SAXO2: variants seen among roughly 807,000 people sequenced by gnomAD.
SAXO2 encodes the protein stabilizer of axonemal microtubules 2.
A neutral mutation model predicts 18.7 loss-of-function variants in SAXO2; 17 were observed. The observed-to-expected ratio is 0.91, with a 90% CI of 0.62 to 1.36. SAXO2 has a LOEUF of 1.36. Among genes scored for constraint, SAXO2 ranks in the 40% most tolerant of loss-of-function variants. The pLI is 0.00. For missense variants in SAXO2, 486 were observed against 562.6 expected, an observed-to-expected ratio of 0.86 and a Z score of 1.38; for synonymous variants, 163 against 181.2, an observed-to-expected ratio of 0.90 and a Z score of 0.81.
In SAXO2 at chr15:82,283,019, A is replaced by G; in HGVS notation, c.1334A>G (p.His445Arg). The G allele has an allele frequency of 6.2e-7, 1 of 1,613,642 alleles. No individual in the cohort carries two copies. The highest frequency in any genetic ancestry group is 1.1e-5 in the South Asian group (1 of 90,934). Residue 445 changes from histidine (H) to arginine (R), a missense_variant, in exon 4 of 4, where the codon CAT becomes CGT. By Grantham distance (29) the His-to-Arg change is conservative. Coordinates refer to ENST00000682753, the MANE Select transcript of SAXO2 (RefSeq NM_001348699.2). ...YIFDNTNSQG[H>R]KFFRKIIPAV... ...TTCGACAATACAAATTCCCAAGGTCATAAATTCTTCCGCAAGATTATTCCT... is the reference window on the plus strand; with the variant it reads ...TTCGACAATACAAATTCCCAAGGTCGTAAATTCTTCCGCAAGATTATTCCT...
chr15:82,268,467 TAGTA>T (rs1192560426), intron 2 of SAXO2, among the ~76,000 whole-genome samples: 3 of 152,390 alleles, frequency 2.0e-5, no homozygotes, highest in Admixed American at 1.3e-4. Context: ...TCTCTTCACT[TAGTA>T]AGACATCGGA....
chr15:82,265,499 T>G, intron 1 of SAXO2, 70 bp from the exon 2 acceptor site: 1 of 1,127,148 alleles, frequency 8.9e-7, no homozygotes, highest in South Asian at 2.7e-5. Context: ...TTATTAGAGG[T>G]CTCTGATTAA....
In SAXO2 at chr15:82,265,596, A is replaced by G. The variant is rs756255416; in HGVS notation, c.81A>G (p.Thr27=). 36 of 1,411,148 alleles carry G rather than the reference A, an allele frequency of 2.6e-5. No individual in the cohort carries two copies. Among genetic ancestry groups the G allele is most frequent in the East Asian group, 5.5e-5 (2 of 36,328 alleles). 87.4% of individuals were successfully genotyped at this position (1,411,148 alleles called of 1,614,324 possible). ...CGRHHCPRGT[T]RIYENSGVFC... is the part of the protein sequence containing the mutation. Reference sequence around the variant, plus strand: ...GACATCATTGTCCACGTGGAACCACAAGGATTTATGAAAATTCTGGGGTGT... The same window carrying G: ...GACATCATTGTCCACGTGGAACCACGAGGATTTATGAAAATTCTGGGGTGT... The change falls in exon 2 of 4, where the codon ACA becomes ACG. Residue 27 remains threonine (T), a synonymous_variant. Transcript: ENST00000682753.
intron 3 of SAXO2, among the ~76,000 whole-genome samples, chr15:82,279,189 G>A (rs1278375051): frequency 2.0e-5 from 3 of 152,142 alleles, no homozygotes; most frequent in African/African-American, 7.2e-5. Context: ...AAGAATGAAA[G>A]AGAATAGACC....
At chr15:82,277,865 C>A (rs1269975559) in intron 3 of SAXO2, among the ~76,000 whole-genome samples, 1 of 152,158 alleles carries the variant, frequency 6.6e-6, no homozygotes, top group Admixed American at 6.5e-5. Flanking sequence ...CTGAGAACTT[C>A]AGACACTAAA....
chr15:82,278,860 G>T (rs12437458), intron 3 of SAXO2, among the ~76,000 whole-genome samples: 10,446 of 152,164 alleles, frequency 0.069, 548 homozygotes, highest in African/African-American at 0.13. Context: ...TGAATTTAAT[G>T]AAAATGAAAA....
chr15:82,269,278 A>G (rs2075248311), intron 2 of SAXO2, among the ~76,000 whole-genome samples: 1 of 152,206 alleles, frequency 6.6e-6, no homozygotes, highest in South Asian at 2.1e-4. Flanking sequence ...AACCAGACCA[A>G]GAGTTTGACT....
intron 3 of SAXO2, among the ~76,000 whole-genome samples, chr15:82,277,421 A>G (rs2075324935): frequency 6.6e-6 from 1 of 152,200 alleles, no homozygotes; most frequent in African/African-American, 2.4e-5. Context: ...TTTGAAAAAT[A>G]CAATTTACCA....
intron 2 of SAXO2, among the ~76,000 whole-genome samples, chr15:82,270,751 CAT>C (rs2075264016): frequency 6.6e-6 from 1 of 152,152 alleles, no homozygotes; most frequent in Non-Finnish European, 1.5e-5. Context: ...GTCTTCAAAG[CAT>C]GTGTGTATAT....
At position 82,265,566 on chromosome 15, in the gene SAXO2, C is replaced by T; in HGVS notation, c.54-3C>T. 3 of 1,306,954 alleles carry T rather than the reference C, an allele frequency of 2.3e-6. No individual in the cohort carries two copies. The highest frequency in any genetic ancestry group is 2.9e-6 in the Non-Finnish European group (3 of 1,029,628). The allele number at this position is 1,306,954 out of a possible 1,614,324, so 81.0% of individuals were successfully genotyped here. A position where few individuals can be genotyped will look rare whatever the true frequency, so the allele number is the denominator to read the frequency against. ...TTAATCTTTCAGTTTATTTTTTGCA[C>T]AGGCGACATCATTGTCCACGTGGAA... On this transcript the variant is annotated splice_polypyrimidine_tract_variant and splice_region_variant and intron_variant, in intron 1 of 3. Coordinates refer to ENST00000682753, the MANE Select transcript of SAXO2 (RefSeq NM_001348699.2).
chr15:82,271,505 TA>T, intron 2 of SAXO2, 97 bp from the exon 3 acceptor site: 1 of 1,040,538 alleles, frequency 9.6e-7, no homozygotes, highest in Non-Finnish European at 1.4e-6. Flanking sequence ...ACTTTTCCAG[TA>T]AAAAAGAAAA....
At chr15:82,265,284 G>T (rs927625703) in intron 1 of SAXO2, among the ~76,000 whole-genome samples, 22 of 152,206 alleles carry the variant, frequency 1.4e-4, no homozygotes, top group African/African-American at 5.1e-4. Context: ...GGGACTACAG[G>T]GTACCCGCCA....
intron 2 of SAXO2, among the ~76,000 whole-genome samples, chr15:82,270,776 T>C (rs989607320): frequency 6.6e-6 from 1 of 152,198 alleles, no homozygotes; most frequent in Non-Finnish European, 1.5e-5. Flanking sequence ...TTAAAACAAC[T>C]CTGTGAGATA....
chr15:82,275,787 A>G (rs2075309980), intron 3 of SAXO2, among the ~76,000 whole-genome samples: 1 of 152,220 alleles, frequency 6.6e-6, no homozygotes, highest in Admixed American at 6.5e-5. Context: ...CAAAATAGTA[A>G]GAGCCATCTA....
intron 1 of SAXO2, chr15:82,265,028 A>C (rs540714840): frequency 1.8e-5 from 8 of 440,736 alleles, no homozygotes; most frequent in Admixed American, 1.8e-4. Context: ...GTAAGAAGAC[A>C]CTAAATTGTT....
At position 82,282,829 on chromosome 15, in the gene SAXO2, C is replaced by G. The variant is rs1291896543; in HGVS notation, c.1144C>G (p.His382Asp). 1.9e-6 allele frequency: 3 copies of G among 1,613,682 alleles called. No homozygotes were observed. Among genetic ancestry groups the G allele is most frequent in the African/African-American group, 2.7e-5 (2 of 74,900 alleles). Reference protein sequence around the residue: ...KFDGLSTFRSHYVPHELIPTE... With the variant: ...KFDGLSTFRSDYVPHELIPTE... ...TGATGGTTTGAGCACTTTCAGATCT[C>G]ACTATGTGCCACATGAATTGATCCC... The change falls in exon 4 of 4, where the codon CAC (histidine) becomes GAC (aspartate). Residue 382 changes from histidine to aspartate, a missense_variant. His to Asp is a moderately conservative substitution (Grantham distance 81). Coordinates refer to ENST00000682753, the MANE Select transcript of SAXO2 (RefSeq NM_001348699.2).
chr15:82,272,528 T>TG (rs1013563562), intron 3 of SAXO2, among the ~76,000 whole-genome samples: 1 of 152,050 alleles, frequency 6.6e-6, no homozygotes, highest in Non-Finnish European at 1.5e-5. Flanking sequence ...AACCTGTTTT[T>TG]TTGTTGTTGT....
Position 82,262,827 on chromosome 15 carries a change from G to A in SAXO2, c.-53G>A. 2 of 1,545,470 alleles carry A rather than the reference G, an allele frequency of 1.3e-6. No homozygotes were observed. The highest frequency in any genetic ancestry group is 2.0e-5 in the Admixed American group (1 of 50,334). On this transcript the variant is annotated 5_prime_UTR_variant, in exon 1 of 4. Coordinates refer to ENST00000682753, the MANE Select transcript of SAXO2 (RefSeq NM_001348699.2). ...ATCCCTCTGTTGCCTTGACTACGGC[G>A]GGCGCTGTGGGAGTGGAGAAGCTGC...
At chr15:82,262,997 G>C (rs1321226181) in intron 1 of SAXO2, 65 bp downstream of exon 1, 2 of 1,560,002 alleles carry the variant, frequency 1.3e-6, no homozygotes, top group African/African-American at 2.7e-5. Flanking sequence ...TAGGTGCACG[G>C]AGCCGGCTCC....
Sources: allele counts gnomAD v4.1 joint callset (sites outside exome capture counted in the v4.1 genomes callset), GRCh38; gene constraint gnomAD v4.1.1; transcripts MANE v1.5; gene names NCBI Gene and HGNC (gene_info 2026-07-23, HGNC 2026-07-21).